Variants in GXYLT2 observed in about 807,000 individuals in gnomAD.
GXYLT2 encodes the protein glycosyltransferase 8 domain containing 4.
In GXYLT2, 53 loss-of-function variants were observed where a neutral mutation model predicts 45.8. That is an observed-to-expected ratio of 1.16 (90% CI 0.93 to 1.46). The LOEUF is 1.46. GXYLT2 is among the 40% of genes most tolerant of loss of function. GXYLT2 has a pLI of 0.00. For missense variants in GXYLT2, 551 were observed against 544.4 expected, an observed-to-expected ratio of 1.01 and a Z score of -0.12; for synonymous variants, 219 against 214.2, an observed-to-expected ratio of 1.02 and a Z score of -0.19.
At chr3:72,937,039 T>C (rs73838425) in intron 3 of GXYLT2, among the ~76,000 whole-genome samples, 4 of 152,148 alleles carry the variant, frequency 2.6e-5, no homozygotes, top group African/African-American at 7.2e-5. Context: ...GTGGAGGACA[T>C]AGAGGAAGGA....
chr3:72,928,950 C>T (rs1278938818), intron 3 of GXYLT2: 5 of 775,490 alleles, frequency 6.4e-6, no homozygotes, highest in Admixed American at 2.0e-5. Context: ...GCCAGTCCTC[C>T]GTCACCACTT....
chr3:72,910,228 T>C (rs1709591239), intron 2 of GXYLT2, among the ~76,000 whole-genome samples: 1 of 152,168 alleles, frequency 6.6e-6, no homozygotes, highest in Admixed American at 6.5e-5. Context: ...AAGAAGGTAA[T>C]TATTATGTCC....
intron 1 of GXYLT2, among the ~76,000 whole-genome samples, chr3:72,899,776 G>A (rs1335681552): frequency 6.6e-6 from 1 of 152,086 alleles, no homozygotes; most frequent in Non-Finnish European, 1.5e-5. Context: ...TAGCAAAAAC[G>A]GTTTCATCTT....
chr3:72,901,807 C>G (rs552367763), intron 1 of GXYLT2, among the ~76,000 whole-genome samples: 2 of 151,876 alleles, frequency 1.3e-5, no homozygotes, highest in East Asian at 3.9e-4. Flanking sequence ...GTGATCCGCC[C>G]GCCTCAGCCT....
rs528200203 is a variant in GXYLT2 at position 72,955,030 on chromosome 3, T to C, written c.601-68T>C. The C allele has an allele frequency of 5.8e-6, 9 of 1,543,954 alleles. No homozygotes were observed. The South Asian group carries it at 1.1e-4, about 18-fold the overall frequency. ...TTTACCTATCAGGCTACTTCCTTTGTTTCTGACCTGTTTTTGTTTTGTTTT... is the reference window on the plus strand; with the variant it reads ...TTTACCTATCAGGCTACTTCCTTTGCTTCTGACCTGTTTTTGTTTTGTTTT... On this transcript the variant is annotated intron_variant, in intron 3 of 6. Coordinates refer to ENST00000389617, the MANE Select transcript of GXYLT2 (RefSeq NM_001080393.2).
Position 72,922,315 on chromosome 3 carries a change from G to A in GXYLT2, c.580G>A (p.Ala194Thr). Reference sequence around the variant, plus strand: ...GAAGAAATTGTTCAAACCCTGTGCTGCCCAGAGACTCTTTCTTCCGGTAGG... The same window carrying A: ...GAAGAAATTGTTCAAACCCTGTGCTACCCAGAGACTCTTTCTTCCGGTAGG... Reference protein sequence around the residue: ...EWKKLFKPCAAQRLFLPVILK... With the variant: ...EWKKLFKPCATQRLFLPVILK... The change falls in exon 3 of 7, where the codon GCC (alanine) becomes ACC (threonine). Residue 194 changes from alanine (A) to threonine (T), a missense_variant. Coordinates refer to ENST00000389617, the MANE Select transcript of GXYLT2 (RefSeq NM_001080393.2). The A allele has an allele frequency of 6.2e-7, 1 of 1,612,084 alleles. No individual in the cohort carries two copies. The highest frequency in any genetic ancestry group is 8.5e-7 in the Non-Finnish European group (1 of 1,179,388).
chr3:72,972,749 T>C (rs1312493810), intron 6 of GXYLT2, among the ~76,000 whole-genome samples: 1 of 134,560 alleles, frequency 7.4e-6, no homozygotes, highest in Non-Finnish European at 1.6e-5. Context: ...GTGAGATGCG[T>C]CTCTACAAAA....
At chr3:72,958,627 G>A (rs544954766) in intron 5 of GXYLT2, among the ~76,000 whole-genome samples, 152 of 141,718 alleles carry the variant, frequency 1.1e-3, no homozygotes, top group African/African-American at 3.8e-3. Context: ...GTTCACTTGT[G>A]GCTTTTTTTT....
In GXYLT2 at chr3:72,975,420, TA is replaced by T; in HGVS notation, c.*262del. 3.3e-6 allele frequency: 1 copy of T among 301,130 alleles called. No homozygotes were observed. The highest frequency in any genetic ancestry group is 6.0e-6 in the Non-Finnish European group (1 of 165,790). The allele number at this position is 301,130 out of a possible 1,614,324, so 18.7% of individuals were successfully genotyped here. On this transcript the variant is annotated 3_prime_UTR_variant, in exon 7 of 7. Transcript: ENST00000389617. ...TTAACATTGTTTAAGCAGGTTGAGC[TA>T]GCTGTGAAAATAGCTTTTGTGAGCC... is the stretch of plus-strand genomic sequence containing the variant.
intron 2 of GXYLT2, among the ~76,000 whole-genome samples, chr3:72,918,583 G>A (rs532844283): frequency 2.0e-5 from 3 of 152,282 alleles, no homozygotes; most frequent in South Asian, 2.1e-4. Context: ...CTAGCACTTT[G>A]GGAGGATGAG....
intron 3 of GXYLT2, among the ~76,000 whole-genome samples, chr3:72,938,210 T>TG (rs1224701582): frequency 2.0e-5 from 3 of 152,162 alleles, no homozygotes; most frequent in Non-Finnish European, 4.4e-5. Flanking sequence ...GATGGATGAA[T>TG]GGGTGGAAGG....
At chr3:72,929,661 T>C in intron 3 of GXYLT2, 1 of 725,432 alleles carries the variant, frequency 1.4e-6, no homozygotes, top group South Asian at 1.5e-5. Context: ...AGTGCATGCA[T>C]GTTGGGGTTT....
At chr3:72,914,189 G>A (rs556202816) in intron 2 of GXYLT2, among the ~76,000 whole-genome samples, 3 of 152,272 alleles carry the variant, frequency 2.0e-5, no homozygotes, top group South Asian at 2.1e-4. Context: ...CAGTATGGGC[G>A]AGTTCTTCTG....
At chr3:72,895,799 G>T (rs1018095024) in intron 1 of GXYLT2, among the ~76,000 whole-genome samples, 1 of 152,198 alleles carries the variant, frequency 6.6e-6, no homozygotes, top group Non-Finnish European at 1.5e-5. Flanking sequence ...TTCATTGGGA[G>T]TTGCTGATTT....
intron 5 of GXYLT2, among the ~76,000 whole-genome samples, chr3:72,963,371 G>A (rs894024438): frequency 6.6e-6 from 1 of 151,454 alleles, no homozygotes; most frequent in African/African-American, 2.4e-5. Context: ...TAAGGAGTTC[G>A]AGACCAGCCT....
At chr3:72,949,033 G>GTGACT (rs1434721994) in intron 3 of GXYLT2, among the ~76,000 whole-genome samples, 2 of 152,088 alleles carry the variant, frequency 1.3e-5, no homozygotes, top group Non-Finnish European at 2.9e-5. Context: ...TAGAGCCTGT[G>GTGACT]TGACTTGCTG....
At chr3:72,922,448 A>G (rs1358446672) in intron 3 of GXYLT2, 113 bp downstream of exon 3, 2 of 1,052,886 alleles carry the variant, frequency 1.9e-6, no homozygotes, top group Admixed American at 5.0e-5. Flanking sequence ...TGTCTCTTGG[A>G]TTCTGGAGCT....
intron 3 of GXYLT2, among the ~76,000 whole-genome samples, chr3:72,938,746 G>T (rs141759068): frequency 1.3e-5 from 2 of 152,176 alleles, no homozygotes; most frequent in Admixed American, 6.6e-5. Flanking sequence ...TTTCAGTTAC[G>T]CAAGGCCTGT....
At chr3:72,888,682 C>T (rs1182878817) in intron 1 of GXYLT2, among the ~76,000 whole-genome samples, 174 bp downstream of exon 1, 2 of 152,092 alleles carry the variant, frequency 1.3e-5, no homozygotes, top group Non-Finnish European at 2.9e-5. Flanking sequence ...TGGTGGAGTC[C>T]CCCTAACAGC....
Sources: allele counts gnomAD v4.1 joint callset (sites outside exome capture counted in the v4.1 genomes callset), GRCh38; gene constraint gnomAD v4.1.1; transcripts MANE v1.5; gene names NCBI Gene and HGNC (gene_info 2026-07-23, HGNC 2026-07-21).